Variants in ZDHHC14 observed in about 807,000 individuals in gnomAD.
The protein encoded by ZDHHC14 is zDHHC palmitoyltransferase 14.
Under a neutral mutation model 47.7 loss-of-function variants are expected in ZDHHC14, and 16 were observed. The observed-to-expected ratio is 0.34, with a 90% CI of 0.23 to 0.51. ZDHHC14 has a LOEUF of 0.51. Ranked by LOEUF, ZDHHC14 falls within the 20% of genes least tolerant of loss-of-function variation. ZDHHC14 has a pLI of 0.97. For synonymous variants in ZDHHC14, 293 were observed against 278.9 expected, an observed-to-expected ratio of 1.05 and a Z score of -0.50; for missense variants, 515 against 662.5, an observed-to-expected ratio of 0.78 and a Z score of 2.44.
intron 1 of ZDHHC14, among the ~76,000 whole-genome samples, chr6:157,477,183 C>T (rs1779508707): frequency 6.6e-6 from 1 of 152,188 alleles, no homozygotes; most frequent in African/African-American, 2.4e-5. Flanking sequence ...AGTTCGAGGC[C>T]AGCCTGACCA....
Position 157,612,925 on chromosome 6 carries a change from C to T in ZDHHC14, c.566-15424C>T, listed in dbSNP as rs141372519. Among the ~76,000 whole-genome samples, 596 of 151,786 alleles carry T rather than the reference C, an allele frequency of 3.9e-3. 9 individuals are homozygous for T. Among genetic ancestry groups the T allele is most frequent in the African/African-American group, 0.014 (567 of 41,302 alleles). On this transcript the variant is annotated intron_variant, in intron 3 of 8. Transcript: ENST00000359775. ...CTGGGGGGAAAAAAAAAGCCTCGGG[C>T]ACCCAATCTAAACTAAATGAAACCC...
chr6:157,446,097 G>A (rs1435636203), intron 1 of ZDHHC14, among the ~76,000 whole-genome samples: 1 of 152,128 alleles, frequency 6.6e-6, no homozygotes, highest in African/African-American at 2.4e-5. Flanking sequence ...AGGTGACCAT[G>A]CTTCCATTAT....
At chr6:157,664,371 A>C (rs9365243) in intron 8 of ZDHHC14, among the ~76,000 whole-genome samples, 33,929 of 152,122 alleles carry the variant, frequency 0.22, 4,339 homozygotes, top group East Asian at 0.54. Flanking sequence ...ACTACAGGAC[A>C]TTTTAGATAT....
chr6:157,615,007 G>T (rs897076592), intron 3 of ZDHHC14, among the ~76,000 whole-genome samples: 1 of 152,058 alleles, frequency 6.6e-6, no homozygotes, highest in African/African-American at 2.4e-5. Context: ...GACCTCAGGG[G>T]ATCCACCCAC....
intron 8 of ZDHHC14, among the ~76,000 whole-genome samples, chr6:157,672,407 A>G (rs917744321): frequency 1.3e-5 from 2 of 152,182 alleles, no homozygotes; most frequent in East Asian, 1.9e-4. Flanking sequence ...GACTCTGTCC[A>G]AGAGATTTTT....
At chr6:157,418,490 G>C (rs1308838551) in intron 1 of ZDHHC14, among the ~76,000 whole-genome samples, 3 of 152,154 alleles carry the variant, frequency 2.0e-5, no homozygotes, top group Non-Finnish European at 4.4e-5. Context: ...TTATTTGACT[G>C]TTCATTATCA....
intron 5 of ZDHHC14, among the ~76,000 whole-genome samples, chr6:157,644,572 G>A (rs1777427862): frequency 6.6e-6 from 1 of 152,198 alleles, no homozygotes; most frequent in Admixed American, 6.5e-5. Flanking sequence ...TGCCCAGATG[G>A]TGGCATCGGT....
chr6:157,673,560 C>A lies in ZDHHC14; in HGVS notation c.*438C>A, dbSNP rs11550102. The stretch of plus-strand genomic sequence containing the variant: ...AAAAAAAAATCCTAAAGGGAAAAAA[C>A]CGACCAGGTGTGGATCTGCATGCCA... On this transcript the variant is annotated 3_prime_UTR_variant, in exon 9 of 9. Transcript: ENST00000359775. The surrounding 1 kb of genome is among the most constrained non-coding windows in gnomAD (Gnocchi z 5.4). 2,344 of 167,012 alleles carry A rather than the reference C, an allele frequency of 0.014. 76 individuals are homozygous for A. Among genetic ancestry groups the A allele is most frequent in the African/African-American group, 0.053 (2,224 of 41,998 alleles). 10.3% of individuals were successfully genotyped at this position (167,012 alleles called of 1,614,324 possible). A position where few individuals can be genotyped will look rare whatever the true frequency, so the allele number is the denominator to read the frequency against.
chr6:157,621,538 T>C (rs1319920171), intron 3 of ZDHHC14, among the ~76,000 whole-genome samples: 2 of 152,204 alleles, frequency 1.3e-5, no homozygotes, highest in Non-Finnish European at 2.9e-5. Context: ...CTGACCAAGC[T>C]GAGCCACCGT....
At position 157,669,956 on chromosome 6, in the gene ZDHHC14, G is replaced by A. The variant is rs558778464; in HGVS notation, c.1069-2768G>A. Among the ~76,000 whole-genome samples the A allele has an allele frequency of 5.9e-5, 9 of 152,362 alleles. No individual in the cohort carries two copies. The East Asian group carries it at 1.2e-3, about 20-fold the overall frequency. The stretch of plus-strand genomic sequence containing the variant: ...AAACATTCTTTGCAAAGCACAGTCC[G>A]TCCAAACCCTGGTATAGTTTCCAGA... On this transcript the variant is annotated intron_variant, in intron 8 of 8. Coordinates refer to ENST00000359775, the MANE Select transcript of ZDHHC14 (RefSeq NM_024630.3).
intron 1 of ZDHHC14, among the ~76,000 whole-genome samples, chr6:157,471,639 C>T (rs974506579): frequency 2.0e-5 from 3 of 152,206 alleles, no homozygotes; most frequent in African/African-American, 4.8e-5. Flanking sequence ...GTAAGAAAAC[C>T]AAACCTACTT....
At chr6:157,610,233 G>A (rs1185291639) in intron 3 of ZDHHC14, among the ~76,000 whole-genome samples, 3 of 152,066 alleles carry the variant, frequency 2.0e-5, no homozygotes, top group South Asian at 2.1e-4. Flanking sequence ...TCATGAGGTC[G>A]GGAGATCAAG....
chr6:157,528,819 A>T (rs1049727672), intron 1 of ZDHHC14, among the ~76,000 whole-genome samples: 5 of 149,398 alleles, frequency 3.3e-5, no homozygotes, highest in Non-Finnish European at 7.4e-5. Context: ...TTAATTAATT[A>T]AAAAAGCACA....
intron 1 of ZDHHC14, among the ~76,000 whole-genome samples, chr6:157,467,886 A>G (rs907887073): frequency 6.6e-6 from 1 of 152,136 alleles, no homozygotes; most frequent in African/African-American, 2.4e-5. Flanking sequence ...AGACCGCATC[A>G]TATTTATACA....
At chr6:157,389,891 A>C (rs541177114) in intron 1 of ZDHHC14, among the ~76,000 whole-genome samples, 1 of 151,086 alleles carries the variant, frequency 6.6e-6, no homozygotes, top group Non-Finnish European at 1.5e-5. Context: ...TAAAATAAAC[A>C]TATTTTAAAA....
chr6:157,527,552 G>A (rs1173029318), intron 1 of ZDHHC14, among the ~76,000 whole-genome samples: 2 of 152,186 alleles, frequency 1.3e-5, no homozygotes, highest in Non-Finnish European at 2.9e-5. Flanking sequence ...GGAAACTTCT[G>A]GTAGAAAAAG....
At chr6:157,626,231 G>C (rs1447952486) in intron 3 of ZDHHC14, among the ~76,000 whole-genome samples, 1 of 152,116 alleles carries the variant, frequency 6.6e-6, no homozygotes, top group Non-Finnish European at 1.5e-5. Flanking sequence ...CCGCATGTGG[G>C]ATTGAGAGAT....
At chr6:157,622,749 T>C (rs1312387342) in intron 3 of ZDHHC14, among the ~76,000 whole-genome samples, 1 of 152,100 alleles carries the variant, frequency 6.6e-6, no homozygotes, top group Non-Finnish European at 1.5e-5. Context: ...CCCTGTTTTG[T>C]CTTGTGCTTG....
intron 1 of ZDHHC14, among the ~76,000 whole-genome samples, chr6:157,492,200 G>GCCCCCCC (rs200680158): frequency 2.5e-4 from 20 of 81,130 alleles, no homozygotes; most frequent in Non-Finnish European, 4.0e-4. Context: ...TCCCCCCTCC[G>GCCCCCCC]CCCCCGCCCC....
Sources: allele counts gnomAD v4.1 joint callset (sites outside exome capture counted in the v4.1 genomes callset), GRCh38; gene constraint gnomAD v4.1.1; non-coding constraint Gnocchi (gnomAD v3.1); transcripts MANE v1.5; gene names NCBI Gene and HGNC (gene_info 2026-07-23, HGNC 2026-07-21).